FBXO41: variants seen among roughly 807,000 people sequenced by gnomAD.
The protein encoded by FBXO41 is F-box protein 41.
In FBXO41, 33 loss-of-function variants were observed where a neutral mutation model predicts 81.6. The observed-to-expected ratio is 0.40, with a 90% CI of 0.31 to 0.54. The LOEUF is 0.54. Among genes scored for constraint, FBXO41 ranks in the 20% least tolerant of loss-of-function variants. The pLI, the probability that FBXO41 is intolerant of heterozygous loss-of-function variation, is 0.39. For missense variants in FBXO41, 1,107 were observed against 1,236.0 expected, an observed-to-expected ratio of 0.90 and a Z score of 1.56; for synonymous variants, 576 against 552.7, an observed-to-expected ratio of 1.04 and a Z score of -0.59.
rs969858198 is a variant in FBXO41, at chr2:73,276,654, A to G, written c.-138-6886T>C. ...TGCATTTATATATAACACATGGGGG[A>G]AAAAAAAAGATAACTGCTGGCACAG... On this transcript the variant is annotated intron_variant, in intron 1 of 12. Coordinates refer to ENST00000520530, the MANE Select transcript of FBXO41 (RefSeq NM_001371389.2). Among the ~76,000 whole-genome samples, 29 of 150,250 alleles carry G rather than the reference A, an allele frequency of 1.9e-4. 1 individual carries two copies. Among genetic ancestry groups the G allele is most frequent in the Non-Finnish European group, 2.7e-4 (18 of 67,660 alleles).
chr2:73,281,312 A>G (rs1688841727), intron 1 of FBXO41, among the ~76,000 whole-genome samples: 1 of 152,240 alleles, frequency 6.6e-6, no homozygotes, highest in Non-Finnish European at 1.5e-5. Context: ...AGTAGGTGGT[A>G]CTGCTTCCAT....
At position 73,269,483 on chromosome 2, in the gene FBXO41, C is replaced by G; in HGVS notation, c.148G>C (p.Gly50Arg). The change falls in exon 2 of 13, where the codon GGC (glycine) becomes CGC (arginine). Residue 50 changes from glycine (G) to arginine (R), a missense_variant. Transcript: ENST00000520530. This position sits in a 1 kb window ranked among gnomAD's most constrained non-coding sequence, Gnocchi z 7.0. ...ILSKTNSICD[G>R]AAAAAAAAAA... The stretch of plus-strand genomic sequence containing the variant: ...GCGGCGGCCGCGGCGGCGGCGGCGC[C>G]GTCGCAGATGCTGTTGGTCTTGGAG... The G allele has an allele frequency of 3.9e-6, 5 of 1,286,358 alleles. No individual in the cohort carries two copies. Among genetic ancestry groups the G allele is most frequent in the Non-Finnish European group, 4.9e-6 (5 of 1,012,616 alleles). 79.7% of individuals were successfully genotyped at this position (1,286,358 alleles called of 1,614,324 possible).
rs1212726528 is a variant in FBXO41, at chr2:73,255,823, CT to C, written c.*3158del. On this transcript the variant is annotated 3_prime_UTR_variant, in exon 13 of 13. Coordinates refer to ENST00000520530, the MANE Select transcript of FBXO41 (RefSeq NM_001371389.2). The stretch of plus-strand genomic sequence containing the variant: ...AAGGAGGACTTTTTTTTGTTTTTCT[CT>C]TTTGAGGCAATTCCTGAGGGGCTGG... 8 of 152,318 alleles carry C rather than the reference CT, an allele frequency of 5.3e-5. No individual in the cohort carries two copies. The highest frequency in any genetic ancestry group is 2.0e-4 in the Admixed American group (3 of 15,284). 9.4% of individuals were successfully genotyped at this position (152,318 alleles called of 1,614,324 possible).
At position 73,269,960 on chromosome 2, in the gene FBXO41, G is replaced by A. The variant is rs1370971704; in HGVS notation, c.-138-192C>T. Among the ~76,000 whole-genome samples, 1 of 152,154 alleles carries A rather than the reference G, an allele frequency of 6.6e-6. No homozygotes were observed. Among genetic ancestry groups the A allele is most frequent in the East Asian group, 1.9e-4 (1 of 5,180 alleles). ...TGTGCAAGAGACAGCGAGAGAATGA[G>A]ATAATCTGTTTTTAAAGGGGCAGGC... On this transcript the variant is annotated intron_variant, in intron 1 of 12. Transcript: ENST00000520530. This position sits in a 1 kb window ranked among gnomAD's most constrained non-coding sequence, Gnocchi z 7.0.
At chr2:73,275,355 G>C (rs1688656728) in intron 1 of FBXO41, among the ~76,000 whole-genome samples, 1 of 152,010 alleles carries the variant, frequency 6.6e-6, no homozygotes. Flanking sequence ...GCTAATTTTT[G>C]TATTTTTAGT....
chr2:73,263,946 C>T lies in FBXO41; in HGVS notation c.1914G>A (p.Arg638=), dbSNP rs1688124048. The change falls in exon 7 of 13, where the codon CGG becomes CGA. Residue 638 remains arginine, a synonymous_variant. Transcript: ENST00000520530. The part of the protein sequence containing the change: ...GKKESKEEYA[R]STRGCLEAGL... ...CCCATCGCAGGCCTCACCGGGTGCT[C>T]CGGGCATACTCCTCCTTGCTCTCCT... The T allele has an allele frequency of 6.2e-7, 1 of 1,610,888 alleles. No individual in the cohort carries two copies. Among genetic ancestry groups the T allele is most frequent in the Non-Finnish European group, 8.5e-7 (1 of 1,178,498 alleles).
rs780071707 is a variant in FBXO41 at position 73,265,737 on chromosome 2, G to T, written c.1206-97C>A. On this transcript the variant is annotated intron_variant, in intron 4 of 12. Coordinates refer to ENST00000520530, the MANE Select transcript of FBXO41 (RefSeq NM_001371389.2). ...ACCATCAGCTGAGGGCAACCCACCCGCCCTGCTTTCCAAAAGCCCCCTCTG... is the reference window on the plus strand; with the variant it reads ...ACCATCAGCTGAGGGCAACCCACCCTCCCTGCTTTCCAAAAGCCCCCTCTG... 5.6e-6 allele frequency: 8 copies of T among 1,429,392 alleles called. No individual in the cohort carries two copies. The Admixed American group carries it at 1.5e-4, about 26-fold the overall frequency. 88.5% of individuals were successfully genotyped at this position (1,429,392 alleles called of 1,614,324 possible). A position where few individuals can be genotyped will look rare whatever the true frequency, so the allele number is the denominator to read the frequency against.
intron 2 of FBXO41, 146 bp downstream of exon 2, chr2:73,268,580 G>A (rs1688364119): frequency 1.4e-6 from 1 of 737,658 alleles, no homozygotes; most frequent in African/African-American, 1.8e-5. Context: ...GACACTCTTG[G>A]CCCCACATGC....
chr2:73,281,881 C>T (rs1396470491), intron 1 of FBXO41, among the ~76,000 whole-genome samples: 1 of 152,264 alleles, frequency 6.6e-6, no homozygotes, highest in African/African-American at 2.4e-5. Context: ...GAACCCAGTA[C>T]TACCTGACTA....
chr2:73,281,946 C>T (rs754681982), intron 1 of FBXO41, among the ~76,000 whole-genome samples: 19 of 152,218 alleles, frequency 1.2e-4, no homozygotes, highest in Non-Finnish European at 2.8e-4. Flanking sequence ...GAGAGTGGAA[C>T]ATCATACTAA....
Position 73,264,332 on chromosome 2 carries a change from G to A in FBXO41, c.1752C>T (p.Arg584=). Residue 584 remains arginine, a synonymous_variant, in exon 6 of 13, where the codon CGC becomes CGT. Transcript: ENST00000520530. ...GCACCCTTGTCCAGACTGCGGGGTGGCGGGCCACGAAGCGCCAGTCCCGGC... is the reference window on the plus strand; with the variant it reads ...GCACCCTTGTCCAGACTGCGGGGTGACGGGCCACGAAGCGCCAGTCCCGGC... ...EVCRDWRFVA[R]HPAVWTRVLL... 1 of 1,613,662 alleles carries A rather than the reference G, an allele frequency of 6.2e-7. No individual in the cohort carries two copies. Among genetic ancestry groups the A allele is most frequent in the Non-Finnish European group, 8.5e-7 (1 of 1,179,886 alleles).
At chr2:73,277,968 T>C (rs1490839817) in intron 1 of FBXO41, among the ~76,000 whole-genome samples, 1 of 152,226 alleles carries the variant, frequency 6.6e-6, no homozygotes, top group Non-Finnish European at 1.5e-5. Context: ...TCCTAGTAGG[T>C]GGGCACATGA....
In FBXO41 at chr2:73,282,003, C is replaced by A. The variant is rs190892905; in HGVS notation, c.-139+2157G>T. Among the ~76,000 whole-genome samples the A allele has an allele frequency of 1.9e-4, 29 of 152,138 alleles. No homozygotes were observed. In the East Asian group the frequency reaches 5.4e-3, roughly 28 times the overall value. ...GCCCATGGTAGCATGCAATAAATTT[C>A]TTTTTTTTGAGATGGAGTTTTGCTC... On this transcript the variant is annotated intron_variant, in intron 1 of 12. Transcript: ENST00000520530.
intron 6 of FBXO41, 94 bp from the exon 7 acceptor site, chr2:73,264,147 C>T: frequency 1.3e-6 from 2 of 1,553,462 alleles, no homozygotes; most frequent in East Asian, 2.4e-5. Context: ...CCCATGAGAG[C>T]ATTTCAGGGA....
chr2:73,269,739 T>G lies in FBXO41; in HGVS notation c.-109A>C. 1.4e-6 allele frequency: 1 copy of G among 733,870 alleles called. No homozygotes were observed. The highest frequency in any genetic ancestry group is 1.7e-6 in the Non-Finnish European group (1 of 575,214). 45.5% of individuals were successfully genotyped at this position (733,870 alleles called of 1,614,324 possible). A position where few individuals can be genotyped will look rare whatever the true frequency, so the allele number is the denominator to read the frequency against. On this transcript the variant is annotated 5_prime_UTR_variant, in exon 2 of 13. Transcript: ENST00000520530. This position sits in a 1 kb window ranked among gnomAD's most constrained non-coding sequence, Gnocchi z 7.0. ...AGGCCCCCTGCGGGGTCAGGAAGGC[T>G]CAGGGCGCCCGCGGCCTGGGGCGAG...
At chr2:73,261,251 A>G (rs1688012789) in intron 9 of FBXO41, among the ~76,000 whole-genome samples, 1 of 151,734 alleles carries the variant, frequency 6.6e-6, no homozygotes, top group East Asian at 1.9e-4. Flanking sequence ...TAGAGACAGG[A>G]TTTTACCATG....
At chr2:73,279,862 C>G (rs572611473) in intron 1 of FBXO41, among the ~76,000 whole-genome samples, 1 of 152,066 alleles carries the variant, frequency 6.6e-6, no homozygotes, top group Non-Finnish European at 1.5e-5. Context: ...TCCGCAGGCC[C>G]GAGGCACGAA....
Position 73,258,842 on chromosome 2 carries a change from A to T in FBXO41, c.*140T>A. The T allele has an allele frequency of 1.1e-6, 1 of 895,192 alleles. No individual in the cohort carries two copies. The highest frequency in any genetic ancestry group is 1.7e-6 in the Non-Finnish European group (1 of 604,156). The allele number at this position is 895,192 out of a possible 1,614,324, so 55.5% of individuals were successfully genotyped here. A position where few individuals can be genotyped will look rare whatever the true frequency, so the allele number is the denominator to read the frequency against. On this transcript the variant is annotated 3_prime_UTR_variant, in exon 13 of 13. Coordinates refer to ENST00000520530, the MANE Select transcript of FBXO41 (RefSeq NM_001371389.2). The stretch of plus-strand genomic sequence containing the variant: ...TGCTCTGCTGCTCCAGGAGGAGGAC[A>T]GGAGACTTGACAGTCCCCCTCCAGA...
Position 73,260,329 on chromosome 2 carries a change from C to T in FBXO41, c.2449+60G>A. 6.4e-7 allele frequency: 1 copy of T among 1,560,768 alleles called. No homozygotes were observed. The highest frequency in any genetic ancestry group is 1.2e-5 in the South Asian group (1 of 84,272). ...GCCCCAGTGATAGTTAGGATACCTG[C>T]TGACAGGGCCCCGTGGCAGGTGATA... On this transcript the variant is annotated intron_variant, in intron 11 of 12. Transcript: ENST00000520530. The surrounding 1 kb of genome is among the most constrained non-coding windows in gnomAD (Gnocchi z 5.0).
Sources: gnomAD v4.1 joint callset for allele counts (sites outside exome capture counted in the v4.1 genomes callset) on GRCh38, gnomAD v4.1.1 for gene constraint, Gnocchi (gnomAD v3.1) non-coding constraint, MANE v1.5 for transcripts, NCBI Gene and HGNC (gene_info 2026-07-23, HGNC 2026-07-21) for gene names.